The following PCSK5 variants were observed in gnomAD, a reference collection of about 807,000 sequenced individuals.
PCSK5 encodes the protein prohormone convertase 5.
PCSK5 carries 129 observed loss-of-function variants against 233.2 expected under a neutral mutation model. The observed-to-expected ratio is 0.55, with a 90% CI of 0.48 to 0.64. PCSK5 has a LOEUF of 0.64. PCSK5 is among the 30% of genes least tolerant of loss of function. PCSK5 has a pLI of 0.00. For synonymous variants in PCSK5, 825 were observed against 879.2 expected (o/e 0.94, Z 1.09); for missense variants, 2,076 against 2,430.1 (o/e 0.85, Z 3.06).
chr9:75,935,498 C>A (rs144170514), intron 2 of PCSK5, among the ~76,000 whole-genome samples: 2 of 152,090 alleles, frequency 1.3e-5, no homozygotes, highest in Admixed American at 6.5e-5. Flanking sequence ...TAAGGACATT[C>A]TTTTTTATAA....
intron 6 of PCSK5, among the ~76,000 whole-genome samples, chr9:76,068,861 A>T (rs1004945438): frequency 7.2e-5 from 11 of 152,162 alleles, no homozygotes; most frequent in Admixed American, 2.6e-4. Flanking sequence ...AAGCTCCTGG[A>T]ACCAGATTGA....
intron 7 of PCSK5, among the ~76,000 whole-genome samples, chr9:76,095,679 T>G (rs1831480657): frequency 6.6e-6 from 1 of 152,200 alleles, no homozygotes; most frequent in Non-Finnish European, 1.5e-5. Flanking sequence ...TAGCCATTAT[T>G]ATTGTCATTA....
chr9:75,923,843 C>G (rs574098704), intron 1 of PCSK5, among the ~76,000 whole-genome samples: 19 of 152,152 alleles, frequency 1.2e-4, no homozygotes, highest in Non-Finnish European at 2.2e-4. Flanking sequence ...ATCTGCATTC[C>G]TTGGCTTGTG....
chr9:76,066,325 T>C (rs1411931964), intron 5 of PCSK5, among the ~76,000 whole-genome samples: 1 of 152,186 alleles, frequency 6.6e-6, no homozygotes, highest in Non-Finnish European at 1.5e-5. Context: ...TTTTTTATAG[T>C]TTTCATTGTG....
At chr9:76,147,699 C>T (rs1823496616) in intron 10 of PCSK5, among the ~76,000 whole-genome samples, 1 of 152,156 alleles carries the variant, frequency 6.6e-6, no homozygotes, top group Non-Finnish European at 1.5e-5. Context: ...CTCTCCTGTG[C>T]ATCTGGAAGT....
intron 9 of PCSK5, among the ~76,000 whole-genome samples, chr9:76,110,521 C>A (rs1401564765): frequency 6.6e-6 from 1 of 152,128 alleles, no homozygotes; most frequent in Non-Finnish European, 1.5e-5. Flanking sequence ...GGCCTCTCTG[C>A]CATTCAAAAA....
chr9:75,982,968 T>A (rs1826344743), intron 2 of PCSK5, among the ~76,000 whole-genome samples: 1 of 151,792 alleles, frequency 6.6e-6, no homozygotes, highest in South Asian at 2.1e-4. Context: ...TTCAGCTTTA[T>A]TTTTTTTCCA....
chr9:76,295,081 G>C (rs372611806), intron 25 of PCSK5, among the ~76,000 whole-genome samples, 194 bp from the exon 26 acceptor site: 1 of 152,078 alleles, frequency 6.6e-6, no homozygotes, highest in Non-Finnish European at 1.5e-5. Flanking sequence ...TTGAGCCCGG[G>C]AGACAGAAGT....
intron 2 of PCSK5, among the ~76,000 whole-genome samples, chr9:75,955,902 T>A (rs921881679): frequency 2.0e-5 from 3 of 152,162 alleles, no homozygotes; most frequent in African/African-American, 7.2e-5. Flanking sequence ...CTAACTCAAA[T>A]CATTTAATGC....
chr9:75,891,811 G>C (rs1825618138), intron 1 of PCSK5, among the ~76,000 whole-genome samples: 2 of 152,062 alleles, frequency 1.3e-5, no homozygotes, highest in South Asian at 4.1e-4. Context: ...GCGGGGAAGG[G>C]AAAGCCTTTC....
chr9:76,282,263 G>A (rs754520729), intron 24 of PCSK5, among the ~76,000 whole-genome samples: 1 of 145,172 alleles, frequency 6.9e-6, no homozygotes, highest in Non-Finnish European at 1.5e-5. Context: ...GACTACAGGT[G>A]TGTGCCACTG....
intron 24 of PCSK5, among the ~76,000 whole-genome samples, chr9:76,264,332 T>G (rs1009851654): frequency 6.6e-6 from 1 of 152,152 alleles, no homozygotes; most frequent in Non-Finnish European, 1.5e-5. Context: ...GATTTAAGTG[T>G]TAGACTTCAA....
chr9:76,307,195 C>T (rs1051466192), intron 28 of PCSK5, among the ~76,000 whole-genome samples: 4 of 151,998 alleles, frequency 2.6e-5, no homozygotes, highest in African/African-American at 9.7e-5. Flanking sequence ...CCATGGTTAC[C>T]CTACCCTTCG....
At chr9:76,125,437 T>G (rs10120333) in intron 9 of PCSK5, among the ~76,000 whole-genome samples, 74,111 of 152,028 alleles carry the variant, frequency 0.49, 18,319 homozygotes, top group Admixed American at 0.52. Flanking sequence ...GCCTGGGCCA[T>G]TCTCAACTGT....
chr9:75,903,943 T>C (rs4744775), intron 1 of PCSK5, among the ~76,000 whole-genome samples: 109,961 of 152,042 alleles, frequency 0.72, 41,190 homozygotes, highest in African/African-American at 0.87. Context: ...TGTGTGTCAG[T>C]GGGAACCCCA....
chr9:76,250,280 G>A (rs934437624), intron 24 of PCSK5, among the ~76,000 whole-genome samples: 4 of 152,116 alleles, frequency 2.6e-5, no homozygotes, highest in African/African-American at 4.8e-5. Context: ...CCAGCCTGGC[G>A]ACAGAGTGAG....
At chr9:75,914,806 T>C (rs1414081972) in intron 1 of PCSK5, among the ~76,000 whole-genome samples, 1 of 152,176 alleles carries the variant, frequency 6.6e-6, no homozygotes, top group Non-Finnish European at 1.5e-5. Flanking sequence ...GTGAGGAAAA[T>C]TGGTCAAGGG....
intron 3 of PCSK5, among the ~76,000 whole-genome samples, chr9:76,009,836 T>C (rs1420801073): frequency 1.3e-5 from 2 of 152,166 alleles, no homozygotes; most frequent in Middle Eastern, 3.2e-3. Flanking sequence ...CATTATTACC[T>C]GCTTTATATC....
At chr9:76,078,245 T>C (rs1830706677) in intron 7 of PCSK5, among the ~76,000 whole-genome samples, 2 of 152,288 alleles carry the variant, frequency 1.3e-5, no homozygotes, top group South Asian at 4.1e-4. Context: ...TATTTATTGA[T>C]AATTTCTTTT....
Sources: allele counts gnomAD v4.1 joint callset (sites outside exome capture counted in the v4.1 genomes callset), GRCh38; gene constraint gnomAD v4.1.1; transcripts MANE v1.5; gene names NCBI Gene and HGNC (gene_info 2026-07-23, HGNC 2026-07-21).